The following ELAVL2 variants were observed in gnomAD, a reference collection of about 807,000 sequenced individuals.
The protein encoded by ELAVL2 is ELAV like RNA binding protein 2, also known as ELAV-like protein 2.
In ELAVL2, 4 loss-of-function variants were observed where a neutral mutation model predicts 34.6. The ratio of observed to expected loss-of-function variants is 0.12; its 90% confidence interval spans 0.06 to 0.26. The LOEUF (loss-of-function observed/expected upper bound fraction) is 0.26, where lower values mean the gene tolerates loss of function less well. Ranked by LOEUF, ELAVL2 falls within the 10% of genes least tolerant of loss-of-function variation. The pLI, the probability that ELAVL2 is intolerant of heterozygous loss-of-function variation, is 1.00. For synonymous variants in ELAVL2, 193 were observed against 154.8 expected, an observed-to-expected ratio of 1.25 and a Z score of -1.83; for missense variants, 432 against 442.8, an observed-to-expected ratio of 0.98 and a Z score of 0.22.
chr9:23,785,191 A>T (rs1054953797), intron 1 of ELAVL2, among the ~76,000 whole-genome samples: 1 of 152,206 alleles, frequency 6.6e-6, no homozygotes, highest in Non-Finnish European at 1.5e-5. Context: ...AACTGTCACA[A>T]TGAGGGTTGA....
At chr9:23,812,210 C>T (rs1349896947) in intron 1 of ELAVL2, among the ~76,000 whole-genome samples, 1 of 152,168 alleles carries the variant, frequency 6.6e-6, no homozygotes, top group African/African-American at 2.4e-5. Flanking sequence ...CAAGTCTCAA[C>T]GTTCTCAGTA....
chr9:23,700,233 G>C (rs1216145663), intron 5 of ELAVL2, among the ~76,000 whole-genome samples: 1 of 152,156 alleles, frequency 6.6e-6, no homozygotes, highest in Admixed American at 6.5e-5. Flanking sequence ...TTAAAAATCA[G>C]TGTGGGGTTA....
At chr9:23,783,181 C>A (rs1203729646) in intron 1 of ELAVL2, among the ~76,000 whole-genome samples, 1 of 152,114 alleles carries the variant, frequency 6.6e-6, no homozygotes, top group Non-Finnish European at 1.5e-5. Context: ...GTGAAGTCAT[C>A]ATACTTCCAG....
intron 2 of ELAVL2, among the ~76,000 whole-genome samples, 165 bp from the exon 3 acceptor site, chr9:23,731,290 C>T (rs1436584168): frequency 6.6e-6 from 1 of 152,022 alleles, no homozygotes; most frequent in African/African-American, 2.4e-5. Flanking sequence ...TTTATGTCTC[C>T]TGTCTACTAC....
At chr9:23,843,451 T>A in the ELAVL2 span, among the ~76,000 whole-genome samples, 2 of 151,954 alleles carry the variant, frequency 1.3e-5, no homozygotes, top group Non-Finnish European at 2.9e-5. Context: ...CATTTAGGAG[T>A]TTAAGAAACA....
At chr9:23,744,458 GTTATATA>G (rs1170806133) in intron 2 of ELAVL2, among the ~76,000 whole-genome samples, 10 of 152,152 alleles carry the variant, frequency 6.6e-5, no homozygotes, top group East Asian at 5.8e-4. Flanking sequence ...GAATAAAATA[GTTATATA>G]TTATAAACTA....
At chr9:23,836,443 T>C in the ELAVL2 span, among the ~76,000 whole-genome samples, 4 of 152,218 alleles carry the variant, frequency 2.6e-5, no homozygotes, top group Non-Finnish European at 5.9e-5. Context: ...ATTTAACTTA[T>C]AGAGTACTGA....
chr9:23,694,700 G>A (rs964456971), intron 5 of ELAVL2, among the ~76,000 whole-genome samples: 2 of 152,186 alleles, frequency 1.3e-5, no homozygotes, highest in Admixed American at 6.5e-5. Flanking sequence ...CATCTCATCT[G>A]GTCTTTCAGA....
intron 2 of ELAVL2, among the ~76,000 whole-genome samples, chr9:23,749,291 A>G (rs1295889898): frequency 6.6e-6 from 1 of 152,172 alleles, no homozygotes; most frequent in African/African-American, 2.4e-5. Flanking sequence ...AGTATAATAC[A>G]AGTAGGCTAA....
intron 1 of ELAVL2, among the ~76,000 whole-genome samples, chr9:23,775,159 A>G (rs1188217885): frequency 1.3e-5 from 2 of 152,254 alleles, no homozygotes; most frequent in African/African-American, 2.4e-5. Context: ...GAATCCTACA[A>G]CTAAAAGTAA....
At chr9:23,759,754 T>TATATATATATA (rs1554719969) in intron 2 of ELAVL2, among the ~76,000 whole-genome samples, 4 of 81,352 alleles carry the variant, frequency 4.9e-5, no homozygotes, top group African/African-American at 1.7e-4. Context: ...ATATATAGTA[T>TATATATATATA]TATATATATA....
intron 1 of ELAVL2, among the ~76,000 whole-genome samples, chr9:23,773,043 G>T (rs1200565050): frequency 6.6e-6 from 1 of 151,994 alleles, no homozygotes. Context: ...TAAGTTCCTG[G>T]TTATTTACTA....
At chr9:23,759,754 T>TTATATATATATA (rs774471922) in intron 2 of ELAVL2, among the ~76,000 whole-genome samples, 2,007 of 80,912 alleles carry the variant, frequency 0.025, 48 homozygotes, top group Middle Eastern at 0.045. Context: ...ATATATAGTA[T>TTATATATATATA]TATATATATA....
upstream of ELAVL2, among the ~76,000 whole-genome samples, chr9:23,830,432 A>T (rs1292943286): frequency 1.3e-5 from 2 of 152,158 alleles, no homozygotes; most frequent in East Asian, 3.9e-4. Context: ...GAAAGACTGT[A>T]AAGTAAGAGA....
intron 1 of ELAVL2, among the ~76,000 whole-genome samples, chr9:23,777,021 T>G (rs189911713): frequency 9.9e-4 from 151 of 152,318 alleles, no homozygotes; most frequent in Middle Eastern, 3.4e-3. Flanking sequence ...ACCCATTTCC[T>G]GTTACAACTT....
intron 1 of ELAVL2, among the ~76,000 whole-genome samples, chr9:23,783,927 G>A (rs937583964): frequency 1.1e-4 from 16 of 150,652 alleles, no homozygotes; most frequent in Non-Finnish European, 2.1e-4. Flanking sequence ...GGGCGCGGTG[G>A]CTCACACCTG....
chr9:23,821,949 A>G (rs1271340811), intron 1 of ELAVL2: 1 of 151,190 alleles, frequency 6.6e-6, no homozygotes, highest in Non-Finnish European at 1.5e-5. Context: ...GCCCTGCCCG[A>G]CCGCCCTTCG....
At chr9:23,789,666 G>A (rs566992977) in intron 1 of ELAVL2, among the ~76,000 whole-genome samples, 5 of 152,160 alleles carry the variant, frequency 3.3e-5, no homozygotes, top group South Asian at 2.1e-4. Context: ...TAAATGATCC[G>A]AAACCCACAA....
intron 1 of ELAVL2, among the ~76,000 whole-genome samples, chr9:23,780,878 A>G (rs1373218120): frequency 6.6e-6 from 1 of 152,218 alleles, no homozygotes; most frequent in South Asian, 2.1e-4. Context: ...CTTTCACATA[A>G]AACAGTCAGG....
Sources: gnomAD v4.1 joint callset for allele counts (sites outside exome capture counted in the v4.1 genomes callset) on GRCh38, gnomAD v4.1.1 for gene constraint, MANE v1.5 for transcripts, NCBI Gene and HGNC (gene_info 2026-07-23, HGNC 2026-07-21) for gene names.